Variants in TANC1 observed in about 807,000 individuals in gnomAD.
The protein encoded by TANC1 is protein TANC1.
A neutral mutation model predicts 149.7 loss-of-function variants in TANC1; 77 were observed. The ratio of observed to expected loss-of-function variants is 0.51; its 90% CI spans 0.43 to 0.62. The LOEUF (loss-of-function observed/expected upper bound fraction) is 0.62. TANC1 is among the 20% of genes least tolerant of loss of function. TANC1 has a pLI of 0.00. For synonymous variants in TANC1, 854 were observed against 925.0 expected, an observed-to-expected ratio of 0.92 and a Z score of 1.39; for missense variants, 1,985 against 2,321.8, an observed-to-expected ratio of 0.85 and a Z score of 2.98.
intron 2 of TANC1, among the ~76,000 whole-genome samples, chr2:159,013,024 G>A (rs2037920900): frequency 6.6e-6 from 1 of 152,062 alleles, no homozygotes; most frequent in Admixed American, 6.6e-5. Flanking sequence ...GTGTGTGATG[G>A]AGAAATTGGA....
chr2:159,077,286 T>G (rs566981182), intron 3 of TANC1, among the ~76,000 whole-genome samples: 120 of 152,222 alleles, frequency 7.9e-4, no homozygotes, highest in Non-Finnish European at 1.4e-3. Flanking sequence ...CTTGGTATCC[T>G]TGAGACTGTC....
At chr2:158,985,675 G>C (rs550319264) in intron 1 of TANC1, among the ~76,000 whole-genome samples, 3 of 151,904 alleles carry the variant, frequency 2.0e-5, no homozygotes, top group South Asian at 4.2e-4. Flanking sequence ...ACAGAGTCTC[G>C]CTTTGTTGCC....
intron 1 of TANC1, among the ~76,000 whole-genome samples, chr2:158,981,544 A>AT (rs1559096628): frequency 6.7e-4 from 57 of 84,708 alleles, no homozygotes; most frequent in Non-Finnish European, 1.1e-3. Context: ...TATATATATA[A>AT]AGAAGTAACA....
chr2:158,972,289 A>C (rs1405310175), intron 1 of TANC1, among the ~76,000 whole-genome samples: 1 of 152,156 alleles, frequency 6.6e-6, no homozygotes, highest in Admixed American at 6.6e-5. Flanking sequence ...TTTGCCTTTG[A>C]TCTTGGTATC....
At chr2:159,096,311 T>TG (rs60152625) in intron 3 of TANC1, among the ~76,000 whole-genome samples, 5 of 150,272 alleles carry the variant, frequency 3.3e-5, no homozygotes, top group East Asian at 1.9e-4. Flanking sequence ...TTTTTTTTTT[T>TG]GGGAGACTAG....
rs538125932 is a variant in TANC1, at chr2:159,008,040, T to G, written c.-16+6851T>G. Among the ~76,000 whole-genome samples, 25 of 152,356 alleles carry G rather than the reference T, an allele frequency of 1.6e-4. 1 individual carries two copies. In the South Asian group the frequency reaches 4.4e-3, roughly 27 times the overall value. On this transcript the variant is annotated intron_variant, in intron 2 of 26. Coordinates refer to ENST00000263635, the MANE Select transcript of TANC1 (RefSeq NM_033394.3). ...CCTAAAATATCACTTGAAGAGAGATTATCAAGTTAAACTGGATCAATTGAA... is the reference window on the plus strand; with the variant it reads ...CCTAAAATATCACTTGAAGAGAGATGATCAAGTTAAACTGGATCAATTGAA...
At position 159,224,258 on chromosome 2, in the gene TANC1, C is replaced by T. The variant is rs77560524; in HGVS notation, c.3705C>T (p.Ala1235=). 2,892 of 1,614,162 alleles carry T rather than the reference C, an allele frequency of 1.8e-3. 95 individuals are homozygous for T. The East Asian group carries it at 0.057, about 32-fold the overall frequency. The change falls in exon 23 of 27, where the codon GCC becomes GCT. Residue 1235 remains alanine, a synonymous_variant. Transcript: ENST00000263635. ...TGCTGTACCTGGTGGAGAAGGGAGC[C>T]GTGATCGAGCATGTGGACCACAGCG... is the stretch of plus-strand genomic sequence containing the variant. ...ETVLYLVEKG[A]VIEHVDHSGM...
intron 4 of TANC1, among the ~76,000 whole-genome samples, chr2:159,106,914 A>G (rs536191073): frequency 1.3e-5 from 2 of 152,358 alleles, no homozygotes; most frequent in East Asian, 1.9e-4. Flanking sequence ...AATTGTTTTT[A>G]TATTCTGAAT....
At chr2:159,178,300 T>A (rs2056098344) in intron 13 of TANC1, among the ~76,000 whole-genome samples, 1 of 152,242 alleles carries the variant, frequency 6.6e-6, no homozygotes, top group Admixed American at 6.5e-5. Context: ...GCTCTTACTC[T>A]GCTTGCTAGG....
rs367936649 is a variant in TANC1, at chr2:159,228,902, G to A, written c.4151+6G>A. 121 of 1,608,532 alleles carry A rather than the reference G, an allele frequency of 7.5e-5. No homozygotes were observed. The highest frequency in any genetic ancestry group is 9.3e-5 in the Non-Finnish European group (109 of 1,175,114). On this transcript the variant is annotated splice_donor_region_variant and intron_variant, in intron 26 of 26. Coordinates refer to ENST00000263635, the MANE Select transcript of TANC1 (RefSeq NM_033394.3). ...AGAGCGAAGAGAAATAGCAGGTACC[G>A]TCTGTGGTTATCTTTGTGTCTAGAG...
intron 2 of TANC1, among the ~76,000 whole-genome samples, chr2:159,012,287 T>G (rs747817676): frequency 6.6e-6 from 1 of 152,238 alleles, no homozygotes; most frequent in Non-Finnish European, 1.5e-5. Flanking sequence ...GCTGTTTCTA[T>G]TTTAGTAGAA....
intron 3 of TANC1, 67 bp downstream of exon 3, chr2:159,066,038 C>G: frequency 3.9e-6 from 5 of 1,276,228 alleles, no homozygotes; most frequent in Non-Finnish European, 5.7e-6. Context: ...CACCCCAGGC[C>G]GGATGGATTT....
chr2:159,194,444 C>G lies in TANC1; in HGVS notation c.2930C>G (p.Ala977Gly), dbSNP rs1575187628. 5 of 1,614,278 alleles carry G rather than the reference C, an allele frequency of 3.1e-6. No individual in the cohort carries two copies. Among genetic ancestry groups the G allele is most frequent in the Non-Finnish European group, 4.2e-6 (5 of 1,180,056 alleles). Residue 977 changes from alanine (A) to glycine (G), a missense_variant, in exon 17 of 27, where the codon GCT (alanine) becomes GGT (glycine). Around this residue, in one of 3 missense-constraint regions of TANC1, gnomAD observed 508 missense variants for 714.2 expected, o/e 0.71. Coordinates refer to ENST00000263635, the MANE Select transcript of TANC1 (RefSeq NM_033394.3). ...ATGACTGCCCTCTGTTACGCAGCAGCTGCTGGCCACATGAAGCTGGTGTGT... is the reference window on the plus strand; with the variant it reads ...ATGACTGCCCTCTGTTACGCAGCAGGTGCTGGCCACATGAAGCTGGTGTGT... Reference protein sequence around the residue: ...NGMTALCYAAAAGHMKLVCLL... With the variant: ...NGMTALCYAAGAGHMKLVCLL...
At chr2:159,025,722 A>T (rs1396762337) in intron 2 of TANC1, among the ~76,000 whole-genome samples, 1 of 152,118 alleles carries the variant, frequency 6.6e-6, no homozygotes, top group Non-Finnish European at 1.5e-5. Flanking sequence ...TTTCTTTGAA[A>T]TGGTATACAA....
chr2:158,974,395 T>C (rs1201799526), intron 1 of TANC1, among the ~76,000 whole-genome samples: 3 of 152,228 alleles, frequency 2.0e-5, no homozygotes, highest in African/African-American at 7.2e-5. Context: ...TCATGTATTA[T>C]TTGCATATAG....
At chr2:158,992,669 A>ATTTTT (rs70994251) in intron 1 of TANC1, among the ~76,000 whole-genome samples, 94 of 112,486 alleles carry the variant, frequency 8.4e-4, no homozygotes, top group African/African-American at 2.7e-3. Flanking sequence ...TGCCCAGCTA[A>ATTTTT]TTTTTTTTTT....
chr2:159,065,155 A>C (rs181968925), intron 2 of TANC1, among the ~76,000 whole-genome samples: 80 of 152,298 alleles, frequency 5.3e-4, no homozygotes, highest in Non-Finnish European at 8.7e-4. Context: ...AGATGGTTTC[A>C]TGTTTCATCT....
rs555930586 is a variant in TANC1 at position 158,968,689 on chromosome 2, G to A, written c.-219G>A. The A allele has an allele frequency of 6.3e-3, 955 of 152,488 alleles. 5 individuals are homozygous for A. Among genetic ancestry groups the A allele is most frequent in the Admixed American group, 0.012 (187 of 15,306 alleles). The allele number at this position is 152,488 out of a possible 1,614,324, so 9.4% of individuals were successfully genotyped here. ...GCGGCGGCCGCCTCGGGAGCCGGAG[G>A]AGAGGCAGCCGCGGAGCGCCGAGCT... On this transcript the variant is annotated 5_prime_UTR_variant, in exon 1 of 27. Transcript: ENST00000263635.
intron 2 of TANC1, among the ~76,000 whole-genome samples, chr2:159,007,860 A>G (rs1341777836): frequency 6.6e-6 from 1 of 152,182 alleles, no homozygotes; most frequent in African/African-American, 2.4e-5. Flanking sequence ...CCCCAAACAG[A>G]CCAGGGTGGA....
Sources: gnomAD v4.1 joint callset for allele counts (sites outside exome capture counted in the v4.1 genomes callset) on GRCh38, gnomAD v4.1.1 for gene constraint, gnomAD v4.1.1 regional missense constraint, MANE v1.5 for transcripts, NCBI Gene and HGNC (gene_info 2026-07-23, HGNC 2026-07-21) for gene names.